Variants in ALPK1 observed in about 807,000 individuals in gnomAD.
ALPK1 encodes alpha-protein kinase 1.
ALPK1 carries 110 observed loss-of-function variants against 120.6 expected under a neutral mutation model. The observed-to-expected ratio is 0.91, with a 90% CI of 0.78 to 1.07. ALPK1 has a LOEUF of 1.07. Among genes scored for constraint, ALPK1 ranks in the 50% least tolerant of loss-of-function variants. ALPK1 has a pLI of 0.00. For missense variants in ALPK1, 1,498 were observed against 1,483.9 expected, an observed-to-expected ratio of 1.01 and a Z score of -0.16; for synonymous variants, 582 against 560.3, an observed-to-expected ratio of 1.04 and a Z score of -0.55.
chr4:112,333,049 A>G (rs1431729581), intron 2 of ALPK1, among the ~76,000 whole-genome samples: 2 of 152,186 alleles, frequency 1.3e-5, no homozygotes, highest in Non-Finnish European at 2.9e-5. Flanking sequence ...AGACTATGAG[A>G]CTGTGGTCCC....
chr4:112,418,639 C>T (rs1733852942), intron 5 of ALPK1, among the ~76,000 whole-genome samples: 1 of 152,182 alleles, frequency 6.6e-6, no homozygotes, highest in Non-Finnish European at 1.5e-5. Context: ...ACAAGGCTTA[C>T]CATCTTGCCA....
At chr4:112,352,822 T>C (rs905410919) in intron 2 of ALPK1, 1 of 152,228 alleles carries the variant, frequency 6.6e-6, no homozygotes, top group African/African-American at 2.4e-5. Flanking sequence ...TTGTTATATG[T>C]AACCATAAGT....
chr4:112,348,348 C>G (rs1730185770), intron 2 of ALPK1, among the ~76,000 whole-genome samples: 1 of 152,238 alleles, frequency 6.6e-6, no homozygotes, highest in African/African-American at 2.4e-5. Flanking sequence ...TGAAGGCTAG[C>G]TACACCAAGG....
At chr4:112,405,303 G>A (rs1396882161) in intron 4 of ALPK1, among the ~76,000 whole-genome samples, 1 of 152,156 alleles carries the variant, frequency 6.6e-6, no homozygotes, top group African/African-American at 2.4e-5. Context: ...GTGATCCCCA[G>A]CTATCACCAA....
At chr4:112,328,354 T>C (rs1578468918) in intron 2 of ALPK1, among the ~76,000 whole-genome samples, 1 of 152,238 alleles carries the variant, frequency 6.6e-6, no homozygotes, top group Admixed American at 6.5e-5. Context: ...ATGGGGAAGG[T>C]AAATAGCTTT....
intron 2 of ALPK1, among the ~76,000 whole-genome samples, chr4:112,340,948 C>A (rs905381178): frequency 4.6e-5 from 7 of 152,172 alleles, no homozygotes; most frequent in Admixed American, 4.6e-4. Context: ...TTTGAATTCA[C>A]GCACGTGGTT....
intron 4 of ALPK1, chr4:112,383,460 C>A (rs990520298): frequency 1.3e-5 from 2 of 151,904 alleles, no homozygotes; most frequent in Admixed American, 1.3e-4. Flanking sequence ...AAGAAAGACC[C>A]CCTGATCTAT....
intron 2 of ALPK1, among the ~76,000 whole-genome samples, chr4:112,337,057 T>C (rs889902836): frequency 1.3e-5 from 2 of 152,166 alleles, no homozygotes; most frequent in Non-Finnish European, 2.9e-5. Flanking sequence ...TTAATCATAA[T>C]ACTGTTTTTA....
chr4:112,297,498 G>A (rs950398999), intron 1 of ALPK1, 29 bp downstream of exon 1: 2 of 152,028 alleles, frequency 1.3e-5, no homozygotes, highest in African/African-American at 4.8e-5. Flanking sequence ...ATGACAAAAC[G>A]CAGTAGATGG....
At chr4:112,412,055 G>A (rs569057284) in intron 5 of ALPK1, 30 bp downstream of exon 5, 2 of 1,610,810 alleles carry the variant, frequency 1.2e-6, no homozygotes, top group African/African-American at 1.3e-5. Context: ...CCGCCCCCGC[G>A]TCCTCAGTGT....
At chr4:112,413,222 A>C (rs1733570510) in intron 5 of ALPK1, among the ~76,000 whole-genome samples, 1 of 152,206 alleles carries the variant, frequency 6.6e-6, no homozygotes, top group Non-Finnish European at 1.5e-5. Flanking sequence ...AGGGGAACAG[A>C]GTGGTGAAGG....
chr4:112,333,936 T>G (rs1475041271), intron 2 of ALPK1, among the ~76,000 whole-genome samples: 1 of 151,842 alleles, frequency 6.6e-6, no homozygotes, highest in African/African-American at 2.4e-5. Flanking sequence ...TTTTTTGTGT[T>G]TTTTTTTGGT....
rs143860786 is a variant in ALPK1, at chr4:112,301,561, C to T, written c.-153+4092C>T. On this transcript the variant is annotated intron_variant, in intron 1 of 15. Transcript: ENST00000650871. ...CTGTGGGGTCTTCTTGGGGCACATC[C>T]CTTGAATATATTTTCACTCAGTAAA... 5.2e-3 allele frequency among the ~76,000 whole-genome samples: 795 copies of T among 152,152 alleles called. 9 individuals are homozygous for T. Among genetic ancestry groups the T allele is most frequent in the African/African-American group, 0.018 (755 of 41,502 alleles).
intron 2 of ALPK1, among the ~76,000 whole-genome samples, chr4:112,364,152 C>G (rs925407988): frequency 1.3e-5 from 2 of 151,668 alleles, no homozygotes; most frequent in Non-Finnish European, 2.9e-5. Context: ...CCTCAAGGAA[C>G]TAGAGAAACT....
intron 2 of ALPK1, among the ~76,000 whole-genome samples, chr4:112,351,727 A>G (rs1205723991): frequency 6.6e-6 from 1 of 151,872 alleles, no homozygotes; most frequent in Non-Finnish European, 1.5e-5. Flanking sequence ...GCCCGCCTCA[A>G]CCTCCCAAAC....
Position 112,426,473 on chromosome 4 carries a change from G to A in ALPK1, c.629G>A (p.Trp210Ter). ...RGQILQKLGM[W>*]YEAAELIWAS... ...CCCCTCTTTTTTTTTTCAGGGATGT[G>A]GTACGAAGCAGCAGAGTTAATATGG... The change falls in exon 8 of 16, where the codon TGG (tryptophan) becomes TAG (stop). Residue 210 changes from tryptophan (W) to a stop codon, truncating the protein, a stop_gained. Coordinates refer to ENST00000650871, the MANE Select transcript of ALPK1 (RefSeq NM_025144.4). LOFTEE classifies it high-confidence loss of function. 1 of 1,604,750 alleles carries A rather than the reference G, an allele frequency of 6.2e-7. No homozygotes were observed. The highest frequency in any genetic ancestry group is 8.5e-7 in the Non-Finnish European group (1 of 1,176,056).
chr4:112,311,495 C>T (rs17627730), intron 1 of ALPK1, among the ~76,000 whole-genome samples: 3,245 of 152,290 alleles, frequency 0.021, 142 homozygotes, highest in East Asian at 0.19. Flanking sequence ...CTCCATCTCT[C>T]TACCTCAGGC....
chr4:112,375,528 G>A (rs780493068), intron 2 of ALPK1, among the ~76,000 whole-genome samples: 5 of 152,080 alleles, frequency 3.3e-5, no homozygotes, highest in African/African-American at 9.7e-5. Flanking sequence ...ACCTCTTCTA[G>A]CTTCCAACTT....
At chr4:112,416,021 C>T (rs1370051990) in intron 5 of ALPK1, among the ~76,000 whole-genome samples, 2 of 152,218 alleles carry the variant, frequency 1.3e-5, no homozygotes, top group African/African-American at 4.8e-5. Context: ...TAAATGCTCA[C>T]TCTCAGTGTT....
Sources: allele counts gnomAD v4.1 joint callset (sites outside exome capture counted in the v4.1 genomes callset), GRCh38; gene constraint gnomAD v4.1.1; transcripts MANE v1.5; gene names NCBI Gene and HGNC (gene_info 2026-07-23, HGNC 2026-07-21).